Variants in PCDH11X observed in about 807,000 individuals in gnomAD.
The protein encoded by PCDH11X is protocadherin-11 X-linked.
In PCDH11X, 18 loss-of-function variants were observed where a neutral mutation model predicts 53.3. The observed-to-expected ratio is 0.34, with a 90% confidence interval of 0.23 to 0.50. The LOEUF is 0.50. PCDH11X is among the 20% of genes least tolerant of loss of function. PCDH11X has a pLI of 0.98. For synonymous variants in PCDH11X, 279 were observed against 393.3 expected (o/e 0.71, Z 3.44); for missense variants, 570 against 1,032.4 (o/e 0.55, Z 6.14).
intron 6 of PCDH11X, among the ~76,000 whole-genome samples, chrX:92,128,613 G>A (rs781577504): frequency 1.8e-5 from 2 of 109,478 alleles, no homozygotes; most frequent in Non-Finnish European, 3.8e-5. Flanking sequence ...AGGCCAGGTT[G>A]GTCTCAAACT....
intron 6 of PCDH11X, among the ~76,000 whole-genome samples, chrX:92,182,797 T>A (rs751273822): frequency 9.0e-6 from 1 of 111,510 alleles, no homozygotes; most frequent in Non-Finnish European, 1.9e-5. Flanking sequence ...CCATTAAACC[T>A]CTTTCTTTTA....
intron 6 of PCDH11X, among the ~76,000 whole-genome samples, chrX:91,888,096 T>C (rs1270238952): frequency 1.8e-5 from 2 of 112,019 alleles, no homozygotes; most frequent in Admixed American, 1.9e-4. Flanking sequence ...TTTGAAATAG[T>C]TAATTACATT....
At chrX:92,512,372 A>T (rs1484832241) in intron 10 of PCDH11X, among the ~76,000 whole-genome samples, 1 of 111,899 alleles carries the variant, frequency 8.9e-6, no homozygotes, top group Non-Finnish European at 1.9e-5. Context: ...CTCACATATT[A>T]ATACTGGGAA....
intron 6 of PCDH11X, among the ~76,000 whole-genome samples, chrX:92,132,956 A>G (rs748621278): frequency 9.1e-6 from 1 of 110,326 alleles, no homozygotes; most frequent in Admixed American, 9.9e-5. Flanking sequence ...GCCATCAAGG[A>G]AGTACATGTT....
intron 9 of PCDH11X, among the ~76,000 whole-genome samples, chrX:92,462,216 T>C (rs1276144289): frequency 8.9e-6 from 1 of 112,000 alleles, no homozygotes; most frequent in Non-Finnish European, 1.9e-5. Flanking sequence ...CAGTCAAAGC[T>C]TCGAAATTGG....
chrX:91,950,138 ATTCT>A, intron 6 of PCDH11X, among the ~76,000 whole-genome samples: 1 of 109,655 alleles, frequency 9.1e-6, no homozygotes, highest in Admixed American at 9.8e-5. Context: ...ATTTATTGTC[ATTCT>A]TTAATTTAAT....
chrX:92,162,588 A>G (rs1361803985), intron 6 of PCDH11X, among the ~76,000 whole-genome samples: 1 of 108,536 alleles, frequency 9.2e-6, no homozygotes, highest in Non-Finnish European at 1.9e-5. Context: ...CGGAACTCTA[A>G]TAATTGTTAC....
intron 6 of PCDH11X, among the ~76,000 whole-genome samples, chrX:92,129,943 G>A (rs1189019360): frequency 1.8e-5 from 2 of 111,579 alleles, no homozygotes; most frequent in African/African-American, 3.3e-5. Flanking sequence ...TGTACTTTTC[G>A]TGAGTAAATG....
At chrX:91,852,008 C>CTTTTTTTTTTTTTTT (rs59675485) in intron 5 of PCDH11X, among the ~76,000 whole-genome samples, 1 of 94,475 alleles carries the variant, frequency 1.1e-5, no homozygotes, top group Non-Finnish European at 2.1e-5. Flanking sequence ...ATTAGGAATT[C>CTTTTTTTTTTTTTTT]TTTTTTTTTT....
In PCDH11X at chrX:92,257,054, A is replaced by G. The variant is rs749806348; in HGVS notation, c.3115-6060A>G. The stretch of plus-strand genomic sequence containing the variant: ...TGGTTCTGCCAATTGTACAGAAAGC[A>G]TAGCAGCTTCTGCTTCTAGGGAGGC... On this transcript the variant is annotated intron_variant, in intron 7 of 10. Coordinates refer to ENST00000682573, the MANE Select transcript of PCDH11X (RefSeq NM_032968.5). 7.0e-4 allele frequency among the ~76,000 whole-genome samples: 78 copies of G among 111,924 alleles called. 1 individual carries two copies. The highest frequency in any genetic ancestry group is 1.5e-4 in the Non-Finnish European group (8 of 53,249).
At chrX:92,606,474 C>T (rs1926837210) in intron 10 of PCDH11X, among the ~76,000 whole-genome samples, 1 of 106,495 alleles carries the variant, frequency 9.4e-6, no homozygotes, top group Non-Finnish European at 1.9e-5. Context: ...TATCCACATG[C>T]AAAAGGATAA....
intron 7 of PCDH11X, among the ~76,000 whole-genome samples, chrX:92,259,076 A>C (rs890201309): frequency 2.7e-5 from 3 of 110,462 alleles, no homozygotes; most frequent in African/African-American, 9.9e-5. Context: ...TATCACCATC[A>C]GTAATTTGGT....
At chrX:92,471,677 T>C (rs1203570128) in intron 10 of PCDH11X, among the ~76,000 whole-genome samples, 2 of 107,786 alleles carry the variant, frequency 1.9e-5, no homozygotes, top group African/African-American at 6.8e-5. Context: ...GGTCTTTGAG[T>C]AATTGCCACA....
At chrX:92,520,799 G>A (rs1407976312) in intron 10 of PCDH11X, among the ~76,000 whole-genome samples, 1 of 111,022 alleles carries the variant, frequency 9.0e-6, no homozygotes, top group Non-Finnish European at 1.9e-5. Context: ...ACATAATATT[G>A]TAAATCCTTT....
chrX:92,576,208 T>C (rs1398304044), intron 10 of PCDH11X, among the ~76,000 whole-genome samples: 1 of 103,767 alleles, frequency 9.6e-6, no homozygotes, highest in Non-Finnish European at 2.0e-5. Context: ...TTCTGCTCTT[T>C]TTTTTGATTT....
At chrX:92,065,258 G>A (rs192692001) in intron 6 of PCDH11X, among the ~76,000 whole-genome samples, 1 of 107,244 alleles carries the variant, frequency 9.3e-6, no homozygotes, top group Non-Finnish European at 1.9e-5. Context: ...GGATACTTAG[G>A]TTGCTTCTAA....
At chrX:92,260,758 A>G (rs918346071) in intron 7 of PCDH11X, among the ~76,000 whole-genome samples, 2 of 111,619 alleles carry the variant, frequency 1.8e-5, no homozygotes, top group South Asian at 3.7e-4. Context: ...AGCTCTGTCA[A>G]TCTAGAAATT....
chrX:92,147,815 CT>C (rs1321834808), intron 6 of PCDH11X, among the ~76,000 whole-genome samples: 2 of 79,995 alleles, frequency 2.5e-5, no homozygotes, highest in African/African-American at 1.4e-4. Context: ...TCCTTCCTTT[CT>C]TTCTTTCTTT....
chrX:91,826,987 G>A (rs1936948307), intron 4 of PCDH11X, among the ~76,000 whole-genome samples: 1 of 111,001 alleles, frequency 9.0e-6, no homozygotes, highest in African/African-American at 3.3e-5. Context: ...CCCAGTAATG[G>A]GATTACTGGT....
Sources: gnomAD v4.1 joint callset for allele counts (sites outside exome capture counted in the v4.1 genomes callset) on GRCh38, gnomAD v4.1.1 for gene constraint, MANE v1.5 for transcripts, NCBI Gene and HGNC (gene_info 2026-07-23, HGNC 2026-07-21) for gene names.